The following KDM4B variants were observed in gnomAD, a reference collection of about 807,000 sequenced individuals.
The protein encoded by KDM4B is lysine-specific demethylase 4B.
Under a neutral mutation model 125.2 loss-of-function variants are expected in KDM4B, and 32 were observed. The observed-to-expected ratio is 0.26, with a 90% confidence interval of 0.19 to 0.34. The LOEUF (loss-of-function observed/expected upper bound fraction) is 0.34. Among genes scored for constraint, KDM4B ranks in the 10% least tolerant of loss-of-function variants. The pLI, the probability that KDM4B is intolerant of heterozygous loss-of-function variation, is 1.00. For missense variants in KDM4B, 1,190 were observed against 1,577.7 expected (o/e 0.75, Z 4.16); for synonymous variants, 721 against 677.9 (o/e 1.06, Z -0.99).
Position 5,035,390 on chromosome 19 carries a change from A to C in KDM4B, c.141+2359A>C, listed in dbSNP as rs1464895347. Reference sequence around the variant, plus strand: ...TCTCAGACCGCCCTGCGCTCTTCCGAGGTGCCTTTAAATGCCCGCCCCGTC... The same window carrying C: ...TCTCAGACCGCCCTGCGCTCTTCCGCGGTGCCTTTAAATGCCCGCCCCGTC... On this transcript the variant is annotated intron_variant, in intron 3 of 22. Coordinates refer to ENST00000159111, the MANE Select transcript of KDM4B (RefSeq NM_015015.3). The surrounding 1 kb of genome is among the most constrained non-coding windows in gnomAD (Gnocchi z 5.3). Among the ~76,000 whole-genome samples the C allele has an allele frequency of 6.6e-6, 1 of 151,896 alleles. No homozygotes were observed. The highest frequency in any genetic ancestry group is 1.5e-5 in the Non-Finnish European group (1 of 67,952).
At chr19:5,117,025 C>G (rs2039270212) in intron 10 of KDM4B, among the ~76,000 whole-genome samples, 1 of 152,166 alleles carries the variant, frequency 6.6e-6, no homozygotes, top group East Asian at 1.9e-4. Context: ...ATGGCTGCCC[C>G]TCTGCCGTGG....
chr19:5,153,160 C>T lies in KDM4B; in HGVS notation c.*1649C>T, dbSNP rs550919783. The T allele has an allele frequency of 7.8e-6, 1 of 128,184 alleles. No homozygotes were observed. The highest frequency in any genetic ancestry group is 2.9e-5 in the African/African-American group (1 of 33,972). 7.9% of individuals were successfully genotyped at this position (128,184 alleles called of 1,614,324 possible). A position where few individuals can be genotyped will look rare whatever the true frequency, so the allele number is the denominator to read the frequency against. On this transcript the variant is annotated 3_prime_UTR_variant, in exon 23 of 23. Transcript: ENST00000159111. ...TACGCAGGAGCAAGCCTTTCATTTCCTTGGTGGGGGAGGGGGGCGGTTGCC... is the reference window on the plus strand; with the variant it reads ...TACGCAGGAGCAAGCCTTTCATTTCTTTGGTGGGGGAGGGGGGCGGTTGCC...
At chr19:5,024,766 T>G (rs111761554) in intron 2 of KDM4B, among the ~76,000 whole-genome samples, 26 of 151,770 alleles carry the variant, frequency 1.7e-4, no homozygotes, top group African/African-American at 5.6e-4. Context: ...CTGACCAACA[T>G]GGTGAAACCT....
chr19:5,040,035 C>T, intron 4 of KDM4B, 24 bp downstream of exon 4: 1 of 1,591,812 alleles, frequency 6.3e-7, no homozygotes, highest in Non-Finnish European at 8.6e-7. Flanking sequence ...GCAGGGCGGA[C>T]CTGACCCCCG....
In KDM4B at chr19:5,039,826, G is replaced by C; in HGVS notation, c.142-10G>C. ...TGAGGGTGCCACTGACTCCCATCTT[G>C]GTCTTGCAGATCATCCCCCCGAAGG... On this transcript the variant is annotated splice_polypyrimidine_tract_variant and intron_variant, in intron 3 of 22. Coordinates refer to ENST00000159111, the MANE Select transcript of KDM4B (RefSeq NM_015015.3). The C allele has an allele frequency of 2.5e-6, 4 of 1,610,968 alleles. No homozygotes were observed. The highest frequency in any genetic ancestry group is 1.3e-5 in the African/African-American group (1 of 75,018).
intron 9 of KDM4B, among the ~76,000 whole-genome samples, chr19:5,101,999 G>A (rs899356620): frequency 5.9e-5 from 9 of 152,178 alleles, no homozygotes; most frequent in Admixed American, 5.2e-4. Flanking sequence ...AGGGGCAGGC[G>A]GCCGCCAGGG....
At chr19:5,059,910 C>T (rs1276298726) in intron 6 of KDM4B, among the ~76,000 whole-genome samples, 2 of 152,368 alleles carry the variant, frequency 1.3e-5, no homozygotes, top group East Asian at 3.9e-4. Flanking sequence ...CTCCGGGATG[C>T]CTGCGTGTGG....
At chr19:5,032,770 C>T (rs565864761) in intron 2 of KDM4B, 96 bp from the exon 3 acceptor site, 104 of 1,204,728 alleles carry the variant, frequency 8.6e-5, no homozygotes, top group Middle Eastern at 2.9e-4. Context: ...CTGGTGGCCA[C>T]GGTATTTTTA....
intron 5 of KDM4B, among the ~76,000 whole-genome samples, chr19:5,042,923 T>C (rs1306592145): frequency 6.7e-6 from 1 of 150,066 alleles, no homozygotes; most frequent in Non-Finnish European, 1.5e-5. Context: ...AAGATAACTT[T>C]ACACAAAGTT....
At chr19:5,054,637 T>G (rs903865430) in intron 6 of KDM4B, among the ~76,000 whole-genome samples, 2 of 152,240 alleles carry the variant, frequency 1.3e-5, no homozygotes, top group African/African-American at 2.4e-5. Flanking sequence ...AACTGAGAAC[T>G]GGACTTTACC....
chr19:5,040,127 G>T, intron 4 of KDM4B, 116 bp downstream of exon 4: 1 of 1,146,176 alleles, frequency 8.7e-7, no homozygotes, highest in South Asian at 1.6e-5. Flanking sequence ...TGGCCGGCCT[G>T]CTCTGTGTGC....
chr19:5,128,862 G>A (rs1458087804), intron 11 of KDM4B, among the ~76,000 whole-genome samples: 3 of 65,250 alleles, frequency 4.6e-5, no homozygotes, highest in East Asian at 6.1e-4. Context: ...GCGGGGGGCG[G>A]GGGGGGGGGT....
chr19:5,148,346 A>G (rs2039887219), intron 21 of KDM4B, among the ~76,000 whole-genome samples: 2 of 152,140 alleles, frequency 1.3e-5, no homozygotes, highest in Admixed American at 6.5e-5. Context: ...CAGGCACAGA[A>G]GTTTCCCTGG....
At chr19:5,037,344 C>T (rs931986437) in intron 3 of KDM4B, among the ~76,000 whole-genome samples, 4 of 152,206 alleles carry the variant, frequency 2.6e-5, no homozygotes, top group South Asian at 4.1e-4. Context: ...AGTAACATCT[C>T]GTGTCTGGGA....
At chr19:5,129,548 C>T (rs2039507768) in intron 11 of KDM4B, among the ~76,000 whole-genome samples, 1 of 152,162 alleles carries the variant, frequency 6.6e-6, no homozygotes, top group African/African-American at 2.4e-5. Context: ...GAATTTCCTT[C>T]TCTTAATTTT....
intron 13 of KDM4B, 110 bp from the exon 14 acceptor site, chr19:5,133,773 G>A (rs1411231310): frequency 8.9e-7 from 1 of 1,129,710 alleles, no homozygotes; most frequent in Non-Finnish European, 1.3e-6. Context: ...GACCCTGTGG[G>A]CAGCCAGGGC....
rs1568244737 is a variant in KDM4B at position 5,035,889 on chromosome 19, G to GCA, written c.141+2859_141+2860insAC. Among the ~76,000 whole-genome samples, 4 of 140,600 alleles carry GCA rather than the reference G, an allele frequency of 2.8e-5. No individual in the cohort carries two copies. The highest frequency in any genetic ancestry group is 2.4e-4 in the South Asian group (1 of 4,180). The allele number at this position is 140,600 out of a possible 152,430, so 92.2% of individuals were successfully genotyped here. A position where few individuals can be genotyped will look rare whatever the true frequency, so the allele number is the denominator to read the frequency against. ...TGTGTGTGTGTGTGTGTGCGCGCGC[G>GCA]CGCGCGCCTGCGCGCACAGGAGACT... On this transcript the variant is annotated intron_variant, in intron 3 of 22. Transcript: ENST00000159111. This position sits in a 1 kb window ranked among gnomAD's most constrained non-coding sequence, Gnocchi z 5.3.
At chr19:5,006,102 C>T (rs1364862963) in intron 1 of KDM4B, among the ~76,000 whole-genome samples, 2 of 152,048 alleles carry the variant, frequency 1.3e-5, no homozygotes, top group Non-Finnish European at 2.9e-5. Flanking sequence ...GGGCTGGTGG[C>T]GGCGGCAGGG....
chr19:5,113,486 T>G (rs76069600), intron 10 of KDM4B: 2,088 of 155,920 alleles, frequency 0.013, 41 homozygotes, highest in African/African-American at 0.048. Flanking sequence ...TGGCCTGCCT[T>G]TTCCCCTGAG....
Sources: gnomAD v4.1 joint callset for allele counts (sites outside exome capture counted in the v4.1 genomes callset) on GRCh38, gnomAD v4.1.1 for gene constraint, Gnocchi (gnomAD v3.1) non-coding constraint, MANE v1.5 for transcripts, NCBI Gene and HGNC (gene_info 2026-07-23, HGNC 2026-07-21) for gene names.